The following CMTM8 variants were observed in gnomAD, a reference collection of about 807,000 sequenced individuals.
CMTM8 encodes CKLF-like MARVEL transmembrane domain-containing protein 8.
A neutral mutation model predicts 18.6 loss-of-function variants in CMTM8; 12 were observed. The observed-to-expected ratio is 0.65, with a 90% CI of 0.41 to 1.05. The LOEUF is 1.05. Ranked by LOEUF, CMTM8 falls within the 50% of genes least tolerant of loss-of-function variation. The pLI, the probability that CMTM8 is intolerant of heterozygous loss-of-function variation, is 0.00. For synonymous variants in CMTM8, 87 were observed against 90.6 expected (o/e 0.96, Z 0.23); for missense variants, 217 against 227.2 (o/e 0.95, Z 0.29).
intron 1 of CMTM8, among the ~76,000 whole-genome samples, chr3:32,261,115 G>A (rs897060042): frequency 6.6e-6 from 1 of 151,608 alleles, no homozygotes; most frequent in Non-Finnish European, 1.5e-5. Flanking sequence ...CCAGACACTT[G>A]GGAGGCTGAG....
intron 1 of CMTM8, among the ~76,000 whole-genome samples, chr3:32,353,148 C>G (rs113730457): frequency 0.13 from 19,145 of 152,064 alleles, 1,638 homozygotes; most frequent in African/African-American, 0.25. Flanking sequence ...CATGCACCAC[C>G]ATGCCCAGCT....
chr3:32,311,567 A>G, intron 1 of CMTM8, among the ~76,000 whole-genome samples: 1 of 152,118 alleles, frequency 6.6e-6, no homozygotes, highest in African/African-American at 2.4e-5. Flanking sequence ...GTAATCCAGG[A>G]GAACTTCCTC....
chr3:32,345,019 C>T (rs188642394), intron 1 of CMTM8, among the ~76,000 whole-genome samples: 2 of 152,162 alleles, frequency 1.3e-5, no homozygotes, highest in Admixed American at 6.5e-5. Flanking sequence ...CTGAGAGCTG[C>T]AAGTGGTGAG....
chr3:32,366,899 CT>C (rs1697048963), intron 2 of CMTM8, among the ~76,000 whole-genome samples: 1 of 152,190 alleles, frequency 6.6e-6, no homozygotes, highest in South Asian at 2.1e-4. Context: ...GTTAAGTGCC[CT>C]GACCTGAAGA....
At chr3:32,279,180 A>AAT (rs1553603398) in intron 1 of CMTM8, among the ~76,000 whole-genome samples, 30 of 140,606 alleles carry the variant, frequency 2.1e-4, no homozygotes, top group African/African-American at 5.2e-4. Context: ...TTTTTTTTTA[A>AAT]TTTTTTTTTT....
At chr3:32,322,779 G>A (rs561847793) in intron 1 of CMTM8, among the ~76,000 whole-genome samples, 2 of 152,356 alleles carry the variant, frequency 1.3e-5, no homozygotes, top group South Asian at 4.1e-4. Flanking sequence ...CTGTCTCTGA[G>A]TGACTGGAGC....
At position 32,288,724 on chromosome 3, in the gene CMTM8, T is replaced by A. The variant is rs529575561; in HGVS notation, c.147+49605T>A. On this transcript the variant is annotated intron_variant, in intron 1 of 3. Coordinates refer to ENST00000307526, the MANE Select transcript of CMTM8 (RefSeq NM_178868.5). ...ACCATGTTAGCCAGGATGTTCTCGA[T>A]CTCCTGACCTCGTGATATGCCCGCC... 3.9e-5 allele frequency among the ~76,000 whole-genome samples: 6 copies of A among 152,284 alleles called. No individual in the cohort carries two copies. In the South Asian group the frequency reaches 1.2e-3, roughly 32 times the overall value.
chr3:32,291,145 T>A (rs983237196), intron 1 of CMTM8, among the ~76,000 whole-genome samples: 14 of 152,022 alleles, frequency 9.2e-5, no homozygotes, highest in African/African-American at 3.4e-4. Flanking sequence ...TTTTTTTTTT[T>A]TAATACAGAG....
At chr3:32,296,662 G>A (rs1702884163) in intron 1 of CMTM8, among the ~76,000 whole-genome samples, 1 of 152,192 alleles carries the variant, frequency 6.6e-6, no homozygotes, top group African/African-American at 2.4e-5. Context: ...TTGCTTAAGT[G>A]CAAGAGCTCT....
At chr3:32,242,547 C>G (rs925183152) in intron 1 of CMTM8, among the ~76,000 whole-genome samples, 1 of 152,014 alleles carries the variant, frequency 6.6e-6, no homozygotes, top group African/African-American at 2.4e-5. Flanking sequence ...AGGCTGGTCT[C>G]GAACTCCTGA....
At chr3:32,261,926 T>C (rs1013542179) in intron 1 of CMTM8, among the ~76,000 whole-genome samples, 3 of 152,210 alleles carry the variant, frequency 2.0e-5, no homozygotes, top group East Asian at 3.8e-4. Flanking sequence ...GATGACAATC[T>C]ACTGTAGCTG....
intron 1 of CMTM8, among the ~76,000 whole-genome samples, chr3:32,298,187 C>A (rs1164213208): frequency 6.6e-6 from 1 of 151,376 alleles, no homozygotes; most frequent in African/African-American, 2.4e-5. Context: ...GCAATTCTAT[C>A]TCAGCCTCCC....
At chr3:32,269,573 G>A (rs1449558423) in intron 1 of CMTM8, among the ~76,000 whole-genome samples, 1 of 151,778 alleles carries the variant, frequency 6.6e-6, no homozygotes, top group South Asian at 2.1e-4. Flanking sequence ...CGGCTAGCCT[G>A]TGGAACAAGA....
chr3:32,314,359 G>A (rs1365804972), intron 1 of CMTM8, among the ~76,000 whole-genome samples: 1 of 152,154 alleles, frequency 6.6e-6, no homozygotes, highest in Admixed American at 6.5e-5. Context: ...TGGCTGCTCT[G>A]CAGAAATTGA....
intron 1 of CMTM8, among the ~76,000 whole-genome samples, chr3:32,267,861 G>A (rs1320239529): frequency 1.3e-5 from 2 of 152,172 alleles, no homozygotes; most frequent in Non-Finnish European, 2.9e-5. Flanking sequence ...ATCATCACTG[G>A]CCATCAGAGA....
chr3:32,282,633 C>T (rs554070383), intron 1 of CMTM8, among the ~76,000 whole-genome samples: 2 of 152,314 alleles, frequency 1.3e-5, no homozygotes, highest in African/African-American at 4.8e-5. Flanking sequence ...CCGGTCTGCT[C>T]TCAGCACAAC....
intron 2 of CMTM8, among the ~76,000 whole-genome samples, chr3:32,361,350 G>C (rs1227506228): frequency 7.2e-6 from 1 of 139,160 alleles, no homozygotes; most frequent in East Asian, 2.2e-4. Flanking sequence ...AACAATATGT[G>C]ACATGTACCC....
chr3:32,281,239 A>G (rs1702604641), intron 1 of CMTM8, among the ~76,000 whole-genome samples: 1 of 152,206 alleles, frequency 6.6e-6, no homozygotes, highest in Non-Finnish European at 1.5e-5. Context: ...ACTGTACCTG[A>G]AAATATTTCT....
In CMTM8 at chr3:32,370,037, T is replaced by C. The variant is rs1285626668; in HGVS notation, c.*70T>C. ...ACTGTAAAAACAGCTGTAGGTATAA[T>C]GTATATTCCCAGAGAATTGTATTTA... On this transcript the variant is annotated 3_prime_UTR_variant, in exon 4 of 4. Coordinates refer to ENST00000307526, the MANE Select transcript of CMTM8 (RefSeq NM_178868.5). 8 of 802,292 alleles carry C rather than the reference T, an allele frequency of 1.0e-5. No homozygotes were observed. Among genetic ancestry groups the C allele is most frequent in the African/African-American group, 1.7e-5 (1 of 58,476 alleles). 49.7% of individuals were successfully genotyped at this position (802,292 alleles called of 1,614,324 possible). A position where few individuals can be genotyped will look rare whatever the true frequency, so the allele number is the denominator to read the frequency against.
Sources: gnomAD v4.1 joint callset for allele counts (sites outside exome capture counted in the v4.1 genomes callset) on GRCh38, gnomAD v4.1.1 for gene constraint, MANE v1.5 for transcripts, NCBI Gene and HGNC (gene_info 2026-07-23, HGNC 2026-07-21) for gene names.